Variants in HS6ST3 observed in about 807,000 individuals in gnomAD.
HS6ST3 encodes the protein heparan sulfate 6-O-sulfotransferase 3.
A neutral mutation model predicts 36.7 loss-of-function variants in HS6ST3; 12 were observed. The ratio of observed to expected loss-of-function variants is 0.33; its 90% CI spans 0.21 to 0.53. The LOEUF is 0.53. HS6ST3 is among the 20% of genes least tolerant of loss of function. The pLI, the probability that HS6ST3 is intolerant of heterozygous loss-of-function variation, is 0.95. For missense variants in HS6ST3, 584 were observed against 640.9 expected (o/e 0.91, Z 0.96); for synonymous variants, 240 against 257.5 (o/e 0.93, Z 0.65).
At chr13:96,499,749 GA>G (rs2055994934) in intron 1 of HS6ST3, among the ~76,000 whole-genome samples, 1 of 152,134 alleles carries the variant, frequency 6.6e-6, no homozygotes, top group African/African-American at 2.4e-5. Context: ...CAGTGTGGCT[GA>G]AGCTGAGTGG....
intron 1 of HS6ST3, among the ~76,000 whole-genome samples, chr13:96,779,209 A>G (rs1205806222): frequency 6.6e-6 from 1 of 152,022 alleles, no homozygotes; most frequent in African/African-American, 2.4e-5. Context: ...TAGTAGAAAT[A>G]CCTAATGTAG....
At chr13:96,452,847 A>T (rs1486681171) in intron 1 of HS6ST3, among the ~76,000 whole-genome samples, 1 of 152,116 alleles carries the variant, frequency 6.6e-6, no homozygotes, top group African/African-American at 2.4e-5. Context: ...AATCCGTAGG[A>T]ACTTTCTACC....
intron 1 of HS6ST3, among the ~76,000 whole-genome samples, chr13:96,230,802 G>A (rs1325670519): frequency 6.6e-6 from 1 of 152,172 alleles, no homozygotes; most frequent in Non-Finnish European, 1.5e-5. Flanking sequence ...AGGCTGAGAT[G>A]ATGGGGCCAG....
intron 1 of HS6ST3, among the ~76,000 whole-genome samples, chr13:96,396,745 G>C (rs1005470437): frequency 1.3e-5 from 2 of 152,148 alleles, no homozygotes; most frequent in African/African-American, 4.8e-5. Flanking sequence ...CCTTGGGCAA[G>C]GGCAATGGGT....
chr13:96,300,624 T>A (rs1247879027), intron 1 of HS6ST3, among the ~76,000 whole-genome samples: 1 of 152,146 alleles, frequency 6.6e-6, no homozygotes, highest in African/African-American at 2.4e-5. Flanking sequence ...AGATGAATAT[T>A]TATTAATCAT....
intron 1 of HS6ST3, among the ~76,000 whole-genome samples, chr13:96,459,713 C>T (rs538983953): frequency 1.3e-5 from 2 of 152,264 alleles, no homozygotes; most frequent in South Asian, 2.1e-4. Context: ...GCTCTAGGTA[C>T]ACACATTAGC....
chr13:96,765,292 T>C (rs1281187553), intron 1 of HS6ST3, among the ~76,000 whole-genome samples: 2 of 151,970 alleles, frequency 1.3e-5, no homozygotes, highest in Non-Finnish European at 1.5e-5. Context: ...CAGGGTGGTC[T>C]CGATCTCCTG....
intron 1 of HS6ST3, among the ~76,000 whole-genome samples, chr13:96,096,790 T>C (rs997843078): frequency 1.3e-5 from 2 of 152,188 alleles, no homozygotes; most frequent in Non-Finnish European, 2.9e-5. Flanking sequence ...GGCTGAAATA[T>C]ATAAGGAGGT....
At chr13:96,342,576 T>C (rs1479112230) in intron 1 of HS6ST3, among the ~76,000 whole-genome samples, 1 of 152,208 alleles carries the variant, frequency 6.6e-6, no homozygotes, top group Non-Finnish European at 1.5e-5. Context: ...GAGTGGGATA[T>C]TTTGAAGAAT....
At chr13:96,332,696 C>A (rs910701591) in intron 1 of HS6ST3, among the ~76,000 whole-genome samples, 1 of 152,202 alleles carries the variant, frequency 6.6e-6, no homozygotes, top group Non-Finnish European at 1.5e-5. Context: ...TGCAACGAAA[C>A]AAAATGAAGG....
intron 1 of HS6ST3, among the ~76,000 whole-genome samples, chr13:96,400,882 A>G (rs767346312): frequency 3.3e-5 from 5 of 152,058 alleles, no homozygotes; most frequent in Admixed American, 6.5e-5. Context: ...AGAGTATTCT[A>G]CCTCCTGGTT....
rs1005344158 is a variant in HS6ST3 at position 96,107,340 on chromosome 13, T to G, written c.707+15771T>G. The stretch of plus-strand genomic sequence containing the variant: ...GGTCTCTGTAAATGGCTGCCTAAGA[T>G]GGGGCAATGAGTGATCATTGGTGCT... On this transcript the variant is annotated intron_variant, in intron 1 of 1. Transcript: ENST00000376705. Among the ~76,000 whole-genome samples, 7 of 152,018 alleles carry G rather than the reference T, an allele frequency of 4.6e-5. No homozygotes were observed. The East Asian group carries it at 1.2e-3, about 25-fold the overall frequency.
chr13:96,709,170 T>C (rs943468891), intron 1 of HS6ST3, among the ~76,000 whole-genome samples: 1 of 152,176 alleles, frequency 6.6e-6, no homozygotes, highest in Non-Finnish European at 1.5e-5. Context: ...TCACTCATGC[T>C]CTCTCCTGCC....
chr13:96,605,068 A>G (rs1176670189), intron 1 of HS6ST3, among the ~76,000 whole-genome samples: 1 of 152,086 alleles, frequency 6.6e-6, no homozygotes, highest in African/African-American at 2.4e-5. Flanking sequence ...TCATTTACCA[A>G]ATTTTTTCTC....
At chr13:96,100,575 C>T (rs1213910988) in intron 1 of HS6ST3, among the ~76,000 whole-genome samples, 2 of 152,066 alleles carry the variant, frequency 1.3e-5, no homozygotes, top group East Asian at 1.9e-4. Context: ...AGGAGAGAGC[C>T]GAAGGAGAAA....
At chr13:96,516,523 C>T (rs1437521926) in intron 1 of HS6ST3, among the ~76,000 whole-genome samples, 1 of 152,070 alleles carries the variant, frequency 6.6e-6, no homozygotes, top group Non-Finnish European at 1.5e-5. Context: ...CAAAAAATAG[C>T]AAAACATTGT....
intron 1 of HS6ST3, among the ~76,000 whole-genome samples, chr13:96,640,532 T>A (rs9513167): frequency 0.11 from 16,116 of 151,996 alleles, 899 homozygotes; most frequent in Admixed American, 0.17. Flanking sequence ...TTTATTATAG[T>A]TTATTTTGCT....
At chr13:96,548,693 G>T (rs936717093) in intron 1 of HS6ST3, among the ~76,000 whole-genome samples, 3 of 152,140 alleles carry the variant, frequency 2.0e-5, no homozygotes, top group African/African-American at 7.2e-5. Context: ...CCTCCTAGTT[G>T]AAATCTGCAG....
chr13:96,617,799 G>A (rs931330186), intron 1 of HS6ST3, among the ~76,000 whole-genome samples: 1 of 152,144 alleles, frequency 6.6e-6, no homozygotes, highest in African/African-American at 2.4e-5. Flanking sequence ...CTCTGGAGGT[G>A]GAGCCCAGAT....
Sources: gnomAD v4.1 joint callset for allele counts (sites outside exome capture counted in the v4.1 genomes callset) on GRCh38, gnomAD v4.1.1 for gene constraint, MANE v1.5 for transcripts, NCBI Gene and HGNC (gene_info 2026-07-23, HGNC 2026-07-21) for gene names.